Variants in CTIF observed in about 807,000 individuals in gnomAD.
CTIF encodes CBP80/20-dependent translation initiation factor.
CTIF carries 21 observed loss-of-function variants against 66.0 expected under a neutral mutation model. That is an observed-to-expected ratio of 0.32 (90% CI 0.23 to 0.46). CTIF has a LOEUF of 0.46. Ranked by LOEUF, CTIF falls within the 20% of genes least tolerant of loss-of-function variation. The pLI is 1.00. For synonymous variants in CTIF, 345 were observed against 326.4 expected (o/e 1.06, Z -0.62); for missense variants, 739 against 812.7 (o/e 0.91, Z 1.10).
chr18:48,701,148 A>G (rs1211348146), intron 6 of CTIF, among the ~76,000 whole-genome samples: 3 of 152,112 alleles, frequency 2.0e-5, no homozygotes, highest in Non-Finnish European at 4.4e-5. Flanking sequence ...CACAGGCCAT[A>G]TGTGTCTCAT....
intron 9 of CTIF, among the ~76,000 whole-genome samples, chr18:48,768,866 T>C (rs1406949530): frequency 6.6e-6 from 1 of 152,208 alleles, no homozygotes; most frequent in Non-Finnish European, 1.5e-5. Context: ...TCCCTGCTGT[T>C]GCGCTCCAGT....
intron 9 of CTIF, among the ~76,000 whole-genome samples, chr18:48,797,390 C>T (rs1173441156): frequency 3.3e-5 from 5 of 151,028 alleles, no homozygotes; most frequent in Non-Finnish European, 4.4e-5. Flanking sequence ...GGCTGAGGCA[C>T]GAGAATCACT....
In CTIF at chr18:48,798,268, A is replaced by T. The variant is rs76848325; in HGVS notation, c.1372-18953A>T. Among the ~76,000 whole-genome samples, 1,032 of 152,328 alleles carry T rather than the reference A, an allele frequency of 6.8e-3. 10 individuals carry two copies. The highest frequency in any genetic ancestry group is 0.023 in the African/African-American group (948 of 41,568). ...GTGTTAAGCATGCTAAGCCGCTCAC[A>T]TTTAAAGATACAGTTAGACTCCTGG... On this transcript the variant is annotated intron_variant, in intron 9 of 11. Transcript: ENST00000256413.
chr18:48,838,403 G>A (rs1224086028), intron 10 of CTIF, among the ~76,000 whole-genome samples: 1 of 152,274 alleles, frequency 6.6e-6, no homozygotes, highest in South Asian at 2.1e-4. Context: ...GAGCCTCTCG[G>A]TGCAGTGGCC....
At chr18:48,609,991 T>C (rs527712870) in intron 1 of CTIF, among the ~76,000 whole-genome samples, 2 of 151,972 alleles carry the variant, frequency 1.3e-5, no homozygotes, top group Non-Finnish European at 2.9e-5. Context: ...CCCGGGCCCA[T>C]TGGCAGTGGG....
chr18:48,768,430 A>G (rs1241324797), intron 9 of CTIF, among the ~76,000 whole-genome samples: 2 of 152,098 alleles, frequency 1.3e-5, no homozygotes, highest in Non-Finnish European at 2.9e-5. Flanking sequence ...AACTCTTCTG[A>G]GCACTTTCCT....
At chr18:48,634,440 A>G (rs971523630) in intron 2 of CTIF, among the ~76,000 whole-genome samples, 2 of 152,200 alleles carry the variant, frequency 1.3e-5, no homozygotes, top group African/African-American at 4.8e-5. Flanking sequence ...GATTACTCCT[A>G]CCTGAGAAGC....
intron 1 of CTIF, among the ~76,000 whole-genome samples, chr18:48,581,569 G>A (rs889374579): frequency 3.3e-5 from 5 of 152,196 alleles, no homozygotes; most frequent in African/African-American, 1.2e-4. Flanking sequence ...CACTTGGCTA[G>A]GGAAGCGAGT....
Position 48,833,927 on chromosome 18 carries a change from C to T in CTIF, c.1527+16551C>T, listed in dbSNP as rs182769708. 3.9e-5 allele frequency among the ~76,000 whole-genome samples: 6 copies of T among 152,300 alleles called. No homozygotes were observed. In the East Asian group the frequency reaches 5.8e-4, roughly 15 times the overall value. ...CAAAAGATTCCAAATGTTGGCCCAG[C>T]GCAGAGCAGGACTCTCTCAGATTCC... On this transcript the variant is annotated intron_variant, in intron 10 of 11. Transcript: ENST00000256413.
At chr18:48,648,101 G>A (rs1046069520) in intron 3 of CTIF, among the ~76,000 whole-genome samples, 2 of 149,606 alleles carry the variant, frequency 1.3e-5, no homozygotes, top group African/African-American at 5.0e-5. Context: ...CCCTGTCCAG[G>A]ACAGGCTCAA....
intron 1 of CTIF, among the ~76,000 whole-genome samples, chr18:48,579,446 A>G (rs1375715007): frequency 6.6e-6 from 1 of 152,176 alleles, no homozygotes; most frequent in African/African-American, 2.4e-5. Context: ...GTGCCTGGCC[A>G]TCTTTACTGT....
Position 48,555,333 on chromosome 18 carries a change from C to T in CTIF, c.-29+16021C>T, listed in dbSNP as rs551847932. 2.6e-5 allele frequency among the ~76,000 whole-genome samples: 4 copies of T among 152,334 alleles called. No individual in the cohort carries two copies. The East Asian group carries it at 7.7e-4, about 29-fold the overall frequency. The stretch of plus-strand genomic sequence containing the variant: ...ATCTGTTTCCCCAGCCTGGACTGTT[C>T]ACAGCCCTGATGAGTAGCCCAGGCC... On this transcript the variant is annotated intron_variant, in intron 1 of 11. Coordinates refer to ENST00000256413, the MANE Select transcript of CTIF (RefSeq NM_014772.3).
intron 1 of CTIF, among the ~76,000 whole-genome samples, chr18:48,570,200 C>T (rs2089382436): frequency 6.6e-6 from 1 of 152,152 alleles, no homozygotes; most frequent in Admixed American, 6.5e-5. Context: ...TGTGTATAAT[C>T]AGAAAAGCAC....
chr18:48,763,004 G>T (rs558451032), intron 9 of CTIF, among the ~76,000 whole-genome samples: 57 of 152,272 alleles, frequency 3.7e-4, no homozygotes, highest in African/African-American at 1.3e-3. Context: ...TGGATCGCCC[G>T]CACTCCCCTG....
At chr18:48,658,422 T>TTGGTGTG (rs35803160) in intron 3 of CTIF, among the ~76,000 whole-genome samples, 100,955 of 151,768 alleles carry the variant, frequency 0.67, 35,883 homozygotes, top group East Asian at 0.89. Context: ...ATATGTGTGT[T>TTGGTGTG]TGGTGTGTAT....
At chr18:48,547,856 C>T (rs557936528) in intron 1 of CTIF, among the ~76,000 whole-genome samples, 3 of 152,312 alleles carry the variant, frequency 2.0e-5, no homozygotes, top group Admixed American at 6.5e-5. Flanking sequence ...TTCTGAGAAG[C>T]TTTGGCTCGG....
At chr18:48,647,487 C>G (rs2091065175) in intron 3 of CTIF, among the ~76,000 whole-genome samples, 1 of 152,202 alleles carries the variant, frequency 6.6e-6, no homozygotes, top group Non-Finnish European at 1.5e-5. Flanking sequence ...TGGCATTGAA[C>G]TATACTTTCC....
At chr18:48,660,955 G>A (rs900861616) in intron 3 of CTIF, among the ~76,000 whole-genome samples, 2 of 152,170 alleles carry the variant, frequency 1.3e-5, no homozygotes, top group South Asian at 2.1e-4. Context: ...TACGGGCCTC[G>A]GATCCTAGGA....
intron 6 of CTIF, among the ~76,000 whole-genome samples, chr18:48,682,803 C>G (rs560155137): frequency 6.6e-6 from 1 of 152,222 alleles, no homozygotes; most frequent in African/African-American, 2.4e-5. Flanking sequence ...CCCTGGGTCC[C>G]GACAGCCCTG....
Sources: allele counts gnomAD v4.1 joint callset (sites outside exome capture counted in the v4.1 genomes callset), GRCh38; gene constraint gnomAD v4.1.1; transcripts MANE v1.5; gene names NCBI Gene and HGNC (gene_info 2026-07-23, HGNC 2026-07-21).